FLT1: variants seen among roughly 807,000 people sequenced by gnomAD.
FLT1 encodes fms related receptor tyrosine kinase 1, also known as vascular endothelial growth factor receptor 1.
In FLT1, 49 loss-of-function variants were observed where a neutral mutation model predicts 156.3. The observed-to-expected ratio is 0.31, with a 90% confidence interval of 0.25 to 0.40. The LOEUF is 0.40. Ranked by LOEUF, FLT1 falls within the 10% of genes least tolerant of loss-of-function variation. The pLI, the probability that FLT1 is intolerant of heterozygous loss-of-function variation, is 1.00. For synonymous variants in FLT1, 594 were observed against 583.8 expected, an observed-to-expected ratio of 1.02 and a Z score of -0.25; for missense variants, 1,322 against 1,637.2, an observed-to-expected ratio of 0.81 and a Z score of 3.32.
chr13:28,370,495 G>T (rs184710202), intron 14 of FLT1, among the ~76,000 whole-genome samples: 1 of 152,282 alleles, frequency 6.6e-6, no homozygotes, highest in East Asian at 1.9e-4. Context: ...TAGCAGAATA[G>T]TTTCTAAAAG....
In FLT1 at chr13:28,477,472, G is replaced by A. The variant is rs73455466; in HGVS notation, c.65-9855C>T. 4.4e-3 allele frequency among the ~76,000 whole-genome samples: 663 copies of A among 152,258 alleles called. 5 individuals carry two copies. Among genetic ancestry groups the A allele is most frequent in the African/African-American group, 0.015 (626 of 41,542 alleles). ...AATATGTCATTTCAGTTTACCATAC[G>A]ATGTCATGAAAGTTATCTGAGCTGC... is the stretch of plus-strand genomic sequence containing the variant. On this transcript the variant is annotated intron_variant, in intron 1 of 29. Coordinates refer to ENST00000282397, the MANE Select transcript of FLT1 (RefSeq NM_002019.4).
chr13:28,387,847 A>C (rs1027095748), intron 13 of FLT1: 9 of 1,056,130 alleles, frequency 8.5e-6, no homozygotes, highest in Non-Finnish European at 1.0e-5. Flanking sequence ...GATTAATTAC[A>C]CAGTGAACAA....
chr13:28,306,771 T>G lies in FLT1; in HGVS notation c.3722A>C (p.Asp1241Ala), dbSNP rs1593665673. Residue 1241 changes from aspartate (D) to alanine (A), a missense_variant and splice_region_variant, in exon 29 of 30, where the codon GAC (aspartate) becomes GCC (alanine). By Grantham distance (126) the Asp-to-Ala change is moderately radical (BLOSUM62 -2). Coordinates refer to ENST00000282397, the MANE Select transcript of FLT1 (RefSeq NM_002019.4). ...CAGAGTGCTGCTGTCGCCCTGGTAG[T>G]CCTAGGGGGAGAAGGAGAAAGGTTA... ...LLPNATSMFD[D>A]YQGDSSTLLA... The G allele has an allele frequency of 1.2e-6, 2 of 1,609,906 alleles. No homozygotes were observed. Among genetic ancestry groups the G allele is most frequent in the Admixed American group, 1.7e-5 (1 of 60,010 alleles).
intron 24 of FLT1, 59 bp downstream of exon 24, chr13:28,319,364 G>A: frequency 1.8e-6 from 2 of 1,116,018 alleles, no homozygotes; most frequent in African/African-American, 1.5e-5. Context: ...AGGACATTCA[G>A]CAGAAGATGC....
chr13:28,317,608 C>T lies in FLT1; in HGVS notation c.3287-11G>A. ...GGTATGGAGACCCACCTGCGGGAGA[C>T]AATGTGGAAAACACAGGGCCTGTTA... On this transcript the variant is annotated splice_polypyrimidine_tract_variant and intron_variant, in intron 24 of 29. Transcript: ENST00000282397. 1 of 1,589,526 alleles carries T rather than the reference C, an allele frequency of 6.3e-7. No individual in the cohort carries two copies. The highest frequency in any genetic ancestry group is 8.6e-7 in the Non-Finnish European group (1 of 1,157,560).
At chr13:28,389,575 T>G in intron 13 of FLT1, 1 of 1,434,316 alleles carries the variant, frequency 7.0e-7, no homozygotes, top group Non-Finnish European at 9.1e-7. Flanking sequence ...GGCCCGGGGG[T>G]CTCATTATTA....
In FLT1 at chr13:28,343,071, C is replaced by T. The variant is rs77103684; in HGVS notation, c.2355+2374G>A. 1.2e-3 allele frequency among the ~76,000 whole-genome samples: 183 copies of T among 152,194 alleles called. 1 individual carries two copies. The East Asian group carries it at 0.032, about 26-fold the overall frequency. On this transcript the variant is annotated intron_variant, in intron 16 of 29. Transcript: ENST00000282397. Reference sequence around the variant, plus strand: ...TCAACTCACTGCAACTTCTGCCTCCCGGGTTCAAGTGATTCTCCTGCTTCA... The same window carrying T: ...TCAACTCACTGCAACTTCTGCCTCCTGGGTTCAAGTGATTCTCCTGCTTCA...
chr13:28,347,221 A>G (rs1320950290), intron 15 of FLT1, among the ~76,000 whole-genome samples: 1 of 152,182 alleles, frequency 6.6e-6, no homozygotes, highest in Non-Finnish European at 1.5e-5. Context: ...AGGAAACAGT[A>G]TGAGTAAAGA....
Position 28,302,764 on chromosome 13 carries a change from G to T in FLT1, c.*403C>A. On this transcript the variant is annotated 3_prime_UTR_variant, in exon 30 of 30. Transcript: ENST00000282397. ...GCTCAGGCCAGCCAGTGATCCCTGG[G>T]GCTAACGGGCTTGTTGCCCTGGGTT... is the stretch of plus-strand genomic sequence containing the variant. 1 of 262,142 alleles carries T rather than the reference G, an allele frequency of 3.8e-6. No homozygotes were observed. Among genetic ancestry groups the T allele is most frequent in the Non-Finnish European group, 7.4e-6 (1 of 136,030 alleles). The allele number at this position is 262,142 out of a possible 1,614,324, so 16.2% of individuals were successfully genotyped here. A position where few individuals can be genotyped will look rare whatever the true frequency, so the allele number is the denominator to read the frequency against.
intron 10 of FLT1, among the ~76,000 whole-genome samples, chr13:28,425,484 C>T (rs1221388902): frequency 4.6e-5 from 7 of 152,038 alleles, no homozygotes; most frequent in Admixed American, 3.9e-4. Context: ...AAGTTCCATT[C>T]GAGGTGGCCT....
intron 10 of FLT1, among the ~76,000 whole-genome samples, chr13:28,418,637 G>A (rs555838226): frequency 7.4e-4 from 113 of 152,044 alleles, no homozygotes; most frequent in Non-Finnish European, 1.4e-3. Flanking sequence ...GTTCAGTGAC[G>A]ACTGCAGCCT....
At chr13:28,304,419 G>A (rs1442330620) in intron 29 of FLT1, among the ~76,000 whole-genome samples, 3 of 151,940 alleles carry the variant, frequency 2.0e-5, no homozygotes, top group Admixed American at 6.6e-5. Context: ...GATGAGTTGT[G>A]CTAACTACAT....
intron 28 of FLT1, among the ~76,000 whole-genome samples, chr13:28,307,078 A>AACAAAG (rs1870781324): frequency 6.6e-6 from 1 of 152,264 alleles, no homozygotes; most frequent in African/African-American, 2.4e-5. Flanking sequence ...AATTTATTGC[A>AACAAAG]ACAAAGATAC....
At position 28,300,480 on chromosome 13, in the gene FLT1, T is replaced by A. The variant is rs1343021051; in HGVS notation, c.*2687A>T. On this transcript the variant is annotated 3_prime_UTR_variant, in exon 30 of 30. Coordinates refer to ENST00000282397, the MANE Select transcript of FLT1 (RefSeq NM_002019.4). ...GTTTGTATAAAAGTAACTTTAAAATTCCAGTTTCCTTAAATAGTTATGCAC... is the reference window on the plus strand; with the variant it reads ...GTTTGTATAAAAGTAACTTTAAAATACCAGTTTCCTTAAATAGTTATGCAC... 4.3e-6 allele frequency: 1 copy of A among 232,650 alleles called. No individual in the cohort carries two copies. The highest frequency in any genetic ancestry group is 2.2e-5 in the African/African-American group (1 of 45,116). The allele number at this position is 232,650 out of a possible 1,614,324, so 14.4% of individuals were successfully genotyped here.
At chr13:28,381,077 C>G (rs886671966) in intron 14 of FLT1, among the ~76,000 whole-genome samples, 1 of 152,146 alleles carries the variant, frequency 6.6e-6, no homozygotes. Context: ...CTTGCCTTGT[C>G]TCTCCTCTAG....
At chr13:28,342,026 G>A (rs1872352992) in intron 16 of FLT1, among the ~76,000 whole-genome samples, 1 of 152,036 alleles carries the variant, frequency 6.6e-6, no homozygotes, top group South Asian at 2.1e-4. Context: ...AGGATCATAG[G>A]CGCCTGCCAC....
chr13:28,436,376 A>T (rs1389114168), intron 4 of FLT1, among the ~76,000 whole-genome samples: 1 of 152,250 alleles, frequency 6.6e-6, no homozygotes, highest in Non-Finnish European at 1.5e-5. Flanking sequence ...TATTAACTTC[A>T]TGTCAGCAGA....
intron 3 of FLT1, among the ~76,000 whole-genome samples, chr13:28,446,131 A>T (rs539084383): frequency 6.6e-6 from 1 of 152,362 alleles, no homozygotes; most frequent in African/African-American, 2.4e-5. Flanking sequence ...AACACTCAGG[A>T]AAATGGGAAT....
At chr13:28,431,369 T>C (rs966553332) in intron 6 of FLT1, 59 bp from the exon 7 acceptor site, 9 of 1,240,844 alleles carry the variant, frequency 7.3e-6, no homozygotes, top group African/African-American at 4.4e-5. Flanking sequence ...TAAAGTTATA[T>C]AGGATTTTAA....
Sources: gnomAD v4.1 joint callset for allele counts (sites outside exome capture counted in the v4.1 genomes callset) on GRCh38, gnomAD v4.1.1 for gene constraint, MANE v1.5 for transcripts, NCBI Gene and HGNC (gene_info 2026-07-23, HGNC 2026-07-21) for gene names.